Variants in CDC42BPG observed in about 807,000 individuals in gnomAD.
CDC42BPG encodes the protein CDC42 binding protein kinase gamma, also known as serine/threonine-protein kinase MRCK gamma.
CDC42BPG carries 157 observed loss-of-function variants against 192.2 expected under a neutral mutation model. The observed-to-expected ratio is 0.82, with a 90% CI of 0.72 to 0.93. The LOEUF (loss-of-function observed/expected upper bound fraction) is 0.93, where lower values mean the gene tolerates loss of function less well. Ranked by LOEUF, CDC42BPG falls within the 40% of genes least tolerant of loss-of-function variation. The pLI is 0.00. For missense variants in CDC42BPG, 1,992 were observed against 2,122.1 expected (o/e 0.94, Z 1.20); for synonymous variants, 981 against 918.5 (o/e 1.07, Z -1.23).
chr11:64,832,156 G>C (rs1391183049), intron 27 of CDC42BPG, among the ~76,000 whole-genome samples: 1 of 152,258 alleles, frequency 6.6e-6, no homozygotes, highest in Non-Finnish European at 1.5e-5. Context: ...GACCAGAGCA[G>C]AGACAGGTGC....
intron 30 of CDC42BPG, among the ~76,000 whole-genome samples, chr11:64,829,182 T>C (rs1381815997): frequency 2.0e-5 from 3 of 152,090 alleles, no homozygotes; most frequent in Non-Finnish European, 4.4e-5. Context: ...ATTGTGCCAC[T>C]GTACTCCAGC....
At chr11:64,831,807 C>T (rs766100968) in intron 27 of CDC42BPG, 86 bp from the exon 28 acceptor site, 260 of 1,276,518 alleles carry the variant, frequency 2.0e-4, no homozygotes, top group Non-Finnish European at 2.7e-4. Flanking sequence ...CGCTGTGCCC[C>T]GGGGGCCTAG....
intron 34 of CDC42BPG, 95 bp from the exon 35 acceptor site, chr11:64,826,889 G>T: frequency 7.4e-7 from 1 of 1,356,056 alleles, no homozygotes; most frequent in Non-Finnish European, 9.9e-7. Flanking sequence ...AACGCCACTG[G>T]GCCCCCAGCC....
intron 34 of CDC42BPG, 58 bp downstream of exon 34, chr11:64,826,992 G>A: frequency 1.5e-6 from 2 of 1,309,382 alleles, no homozygotes; most frequent in South Asian, 2.4e-5. Context: ...TCACCACAGA[G>A]GCCGGTTATT....
intron 11 of CDC42BPG, 92 bp downstream of exon 11, chr11:64,836,647 C>A: frequency 8.2e-7 from 1 of 1,217,198 alleles, no homozygotes; most frequent in East Asian, 2.5e-5. Flanking sequence ...AATGCTCTCC[C>A]AGGATCATAC....
chr11:64,836,641 C>G lies in CDC42BPG; in HGVS notation c.1384+98G>C, dbSNP rs1390925727. 67 of 1,269,154 alleles carry G rather than the reference C, an allele frequency of 5.3e-5. No individual in the cohort carries two copies. In the Admixed American group the frequency reaches 1.3e-3, roughly 24 times the overall value. The allele number at this position is 1,269,154 out of a possible 1,614,324, so 78.6% of individuals were successfully genotyped here. The stretch of plus-strand genomic sequence containing the variant: ...ACGCGGGCTCAGAGAGTATAAAATG[C>G]TCTCCCAGGATCATACAGCTTGTCC... On this transcript the variant is annotated intron_variant, in intron 11 of 36. Transcript: ENST00000342711.
chr11:64,836,071 TG>T, intron 13 of CDC42BPG, 45 bp downstream of exon 13: 3 of 1,537,326 alleles, frequency 2.0e-6, no homozygotes, highest in Non-Finnish European at 1.8e-6. Context: ...CCAGGCACAC[TG>T]GGGGCAGGGC....
rs760294420 is a variant in CDC42BPG at position 64,826,674 on chromosome 11, G to A, written c.4510C>T (p.Pro1504Ser). 3.2e-6 allele frequency: 5 copies of A among 1,569,740 alleles called. No homozygotes were observed. Among genetic ancestry groups the A allele is most frequent in the Non-Finnish European group, 4.3e-6 (5 of 1,158,016 alleles). The change falls in exon 35 of 37, where the codon CCC (proline) becomes TCC (serine). Residue 1504 changes from proline to serine, a missense_variant. This residue lies in a region of CDC42BPG where 336 missense variants were observed against 277.9 expected (regional missense o/e 1.21). Coordinates refer to ENST00000342711, the MANE Select transcript of CDC42BPG (RefSeq NM_017525.3). ...GSEGLGGDAD[P>S]MKRKPWTSLS... is the part of the protein sequence containing the mutation. Reference sequence around the variant, plus strand: ...GAGGCTGAGGGGCTGCCCTTACTGGGGTCTGCGTCTCCACCGAGGCCTTCG... The same window carrying A: ...GAGGCTGAGGGGCTGCCCTTACTGGAGTCTGCGTCTCCACCGAGGCCTTCG...
chr11:64,834,973 A>ATC lies in CDC42BPG; in HGVS notation c.2061-11_2061-10insGA, dbSNP rs1942905612. The ATC allele has an allele frequency of 1.9e-6, 3 of 1,613,536 alleles. No homozygotes were observed. In the Admixed American group the frequency reaches 5.0e-5, roughly 27 times the overall value. On this transcript the variant is annotated splice_polypyrimidine_tract_variant and intron_variant, in intron 17 of 36. Transcript: ENST00000342711. ...CTTCTCATCATTCACCCTGAATGGGAAGGGGCTCAGGGTCATGGGCTGGGC... is the reference window on the plus strand; with the variant it reads ...CTTCTCATCATTCACCCTGAATGGGATCAGGGGCTCAGGGTCATGGGCTGGGC...
intron 8 of CDC42BPG, 111 bp downstream of exon 8, chr11:64,838,543 G>A (rs1943127493): frequency 1.4e-6 from 2 of 1,384,458 alleles, no homozygotes; most frequent in Non-Finnish European, 2.0e-6. Flanking sequence ...ATAAGCCCCG[G>A]TGTCTGAAGG....
At chr11:64,835,453 G>A (rs374493729) in intron 15 of CDC42BPG, 34 bp from the exon 16 acceptor site, 32 of 1,611,866 alleles carry the variant, frequency 2.0e-5, no homozygotes, top group African/African-American at 2.7e-5. Context: ...GTGACTCACC[G>A]CCCAGGCCAG....
In CDC42BPG at chr11:64,839,579, A is replaced by G; in HGVS notation, c.582-8T>C. 1 of 1,609,476 alleles carries G rather than the reference A, an allele frequency of 6.2e-7. No individual in the cohort carries two copies. The highest frequency in any genetic ancestry group is 8.5e-7 in the Non-Finnish European group (1 of 1,178,452). ...TTGTCTGGCTTGACATCCCTGGGGG[A>G]TGGCAGGCAGGGAGAGTGAGGCGTT... On this transcript the variant is annotated splice_region_variant and splice_polypyrimidine_tract_variant and intron_variant, in intron 5 of 36. Transcript: ENST00000342711.
intron 12 of CDC42BPG, 61 bp from the exon 13 acceptor site, chr11:64,836,357 A>G (rs915886896): frequency 1.9e-6 from 3 of 1,606,260 alleles, no homozygotes; most frequent in Non-Finnish European, 8.5e-7. Context: ...CGAACCGTCC[A>G]TGGAGCCCAG....
Position 64,832,929 on chromosome 11 carries a change from G to A in CDC42BPG, c.2762C>T (p.Ala921Val), listed in dbSNP as rs1428792953. The change falls in exon 25 of 37, where the codon GCC (alanine) becomes GTC (valine). Residue 921 changes from alanine (A) to valine (V), a missense_variant. This residue lies in a region of CDC42BPG where 1,656 missense variants were observed against 1,844.3 expected (regional missense o/e 0.90). Coordinates refer to ENST00000342711, the MANE Select transcript of CDC42BPG (RefSeq NM_017525.3). Reference sequence around the variant, plus strand: ...CACGGGGCAGGGTGGGGCCTGTGGGGCACAGGTTGTGTGACAAAAGTAGCC... The same window carrying A: ...CACGGGGCAGGGTGGGGCCTGTGGGACACAGGTTGTGTGACAAAAGTAGCC... ...ACGYFCHTTC[A>V]PQAPPCPVPP... 1 of 1,541,700 alleles carries A rather than the reference G, an allele frequency of 6.5e-7. No homozygotes were observed. The highest frequency in any genetic ancestry group is 8.7e-7 in the Non-Finnish European group (1 of 1,143,628).
At chr11:64,829,364 G>T in intron 30 of CDC42BPG, 107 bp downstream of exon 30, 1 of 1,416,686 alleles carries the variant, frequency 7.1e-7, no homozygotes, top group Non-Finnish European at 9.5e-7. Context: ...GATGCAAACT[G>T]GCACCAAAGG....
chr11:64,836,565 G>C (rs772252897), intron 11 of CDC42BPG, 35 bp from the exon 12 acceptor site: 1 of 1,583,646 alleles, frequency 6.3e-7, no homozygotes, highest in Admixed American at 1.7e-5. Context: ...TCGAGTGCTG[G>C]CGGCCCCAGC....
At chr11:64,841,759 G>A in intron 2 of CDC42BPG, 26 bp from the exon 3 acceptor site, 2 of 1,613,608 alleles carry the variant, frequency 1.2e-6, no homozygotes, top group Non-Finnish European at 1.7e-6. Context: ...GGACCGGGGT[G>A]AGCCCAGCCC....
At chr11:64,833,011 C>A in intron 24 of CDC42BPG, 52 bp from the exon 25 acceptor site, 1 of 1,488,676 alleles carries the variant, frequency 6.7e-7, no homozygotes, top group Non-Finnish European at 9.0e-7. Flanking sequence ...GGGGACAGCC[C>A]CAAACCAGGA....
chr11:64,836,722 G>GGGT lies in CDC42BPG; in HGVS notation c.1384+16_1384+17insACC. The GGGT allele has an allele frequency of 1.2e-6, 1 of 859,762 alleles. No homozygotes were observed. Among genetic ancestry groups the GGGT allele is most frequent in the Non-Finnish European group, 1.6e-6 (1 of 608,370 alleles). 53.3% of individuals were successfully genotyped at this position (859,762 alleles called of 1,614,324 possible). ...ACTCAGCCCTGGGGGGGGGGGGGGG[G>GGGT]TGGGCGGAAGGGATACCTGGCAGCC... is the stretch of plus-strand genomic sequence containing the variant. On this transcript the variant is annotated intron_variant, in intron 11 of 36. Coordinates refer to ENST00000342711, the MANE Select transcript of CDC42BPG (RefSeq NM_017525.3).
Sources: gnomAD v4.1 joint callset for allele counts (sites outside exome capture counted in the v4.1 genomes callset) on GRCh38, gnomAD v4.1.1 for gene constraint, gnomAD v4.1.1 regional missense constraint, MANE v1.5 for transcripts, NCBI Gene and HGNC (gene_info 2026-07-23, HGNC 2026-07-21) for gene names.